The following PDE4D variants were observed in gnomAD, a reference collection of about 807,000 sequenced individuals.
PDE4D encodes phosphodiesterase 4D, also known as 3',5'-cyclic-AMP phosphodiesterase 4D.
In PDE4D, 24 loss-of-function variants were observed where a neutral mutation model predicts 87.4. The ratio of observed to expected loss-of-function variants is 0.27; its 90% CI spans 0.20 to 0.39. The LOEUF (loss-of-function observed/expected upper bound fraction) is 0.39. Among genes scored for constraint, PDE4D ranks in the 10% least tolerant of loss-of-function variants. The pLI, the probability that PDE4D is intolerant of heterozygous loss-of-function variation, is 1.00. For synonymous variants in PDE4D, 384 were observed against 383.2 expected, an observed-to-expected ratio of 1.00 and a Z score of -0.02; for missense variants, 714 against 1,041.0, an observed-to-expected ratio of 0.69 and a Z score of 4.32.
At position 58,990,910 on chromosome 5, in the gene PDE4D, G is replaced by T; in HGVS notation, c.1189-8C>A. 6 of 1,081,732 alleles carry T rather than the reference G, an allele frequency of 5.5e-6. No homozygotes were observed. The highest frequency in any genetic ancestry group is 6.5e-6 in the Non-Finnish European group (5 of 765,310). 67.0% of individuals were successfully genotyped at this position (1,081,732 alleles called of 1,614,324 possible). On this transcript the variant is annotated splice_polypyrimidine_tract_variant and splice_region_variant and intron_variant, in intron 8 of 14. Coordinates refer to ENST00000340635, the MANE Select transcript of PDE4D (RefSeq NM_001104631.2). ...GTTCACATCTTCTAGTTCCTGGAGTGAAAAAAAAAAAAAGATACTAAAATA... is the reference window on the plus strand; with the variant it reads ...GTTCACATCTTCTAGTTCCTGGAGTTAAAAAAAAAAAAAGATACTAAAATA...
chr5:59,906,681 T>G (rs1752858905), intron 3 of PDE4D, among the ~76,000 whole-genome samples: 2 of 152,076 alleles, frequency 1.3e-5, no homozygotes, highest in South Asian at 4.1e-4. Context: ...AAGCTCAATA[T>G]CACTGATCAT....
chr5:59,202,824 C>T (rs990364548), intron 2 of PDE4D, among the ~76,000 whole-genome samples: 1 of 152,208 alleles, frequency 6.6e-6, no homozygotes, highest in African/African-American at 2.4e-5. Flanking sequence ...ACGTGGAACT[C>T]TGAGTCCAGT....
intron 1 of PDE4D, among the ~76,000 whole-genome samples, chr5:59,303,978 G>A (rs1770773144): frequency 1.3e-5 from 2 of 152,048 alleles, no homozygotes; most frequent in African/African-American, 4.8e-5. Context: ...GGTTGCTTTT[G>A]GCAGTATGGG....
At chr5:59,377,269 C>A (rs917867449) in intron 1 of PDE4D, among the ~76,000 whole-genome samples, 9 of 151,710 alleles carry the variant, frequency 5.9e-5, no homozygotes, top group African/African-American at 2.2e-4. Flanking sequence ...TACAAAAAAT[C>A]AGCTGGGCGT....
intron 1 of PDE4D, among the ~76,000 whole-genome samples, chr5:59,576,306 G>A (rs1823142353): frequency 6.6e-6 from 1 of 152,060 alleles, no homozygotes; most frequent in African/African-American, 2.4e-5. Context: ...CCACAGACTT[G>A]GGGGATGATT....
intron 1 of PDE4D, among the ~76,000 whole-genome samples, chr5:60,320,883 A>G (rs534746847): frequency 6.6e-6 from 1 of 152,254 alleles, no homozygotes. Context: ...TTACAAAACA[A>G]TGCTCAAAGA....
chr5:60,001,143 G>A (rs1284857354), intron 2 of PDE4D, among the ~76,000 whole-genome samples: 1 of 152,112 alleles, frequency 6.6e-6, no homozygotes, highest in African/African-American at 2.4e-5. Flanking sequence ...CCTACCCATA[G>A]ACATACTCAG....
intron 1 of PDE4D, among the ~76,000 whole-genome samples, chr5:59,588,466 G>C (rs377109070): frequency 2.8e-4 from 43 of 152,162 alleles, no homozygotes; most frequent in Admixed American, 1.4e-3. Context: ...AGGCTTTTAC[G>C]CAATTGCTTG....
At chr5:59,131,597 A>AACACACACAC (rs34161581) in intron 5 of PDE4D, among the ~76,000 whole-genome samples, 2,679 of 117,952 alleles carry the variant, frequency 0.023, 59 homozygotes, top group East Asian at 0.039. Flanking sequence ...GCCAATTTAA[A>AACACACACAC]ACACACACAC....
At chr5:59,146,419 T>A (rs1317640898) in intron 5 of PDE4D, among the ~76,000 whole-genome samples, 3 of 152,194 alleles carry the variant, frequency 2.0e-5, no homozygotes, top group African/African-American at 7.2e-5. Context: ...GAATCAATTA[T>A]CTTTTAAAAT....
At chr5:59,534,303 T>C (rs1320444669) in intron 1 of PDE4D, among the ~76,000 whole-genome samples, 1 of 152,196 alleles carries the variant, frequency 6.6e-6, no homozygotes, top group Non-Finnish European at 1.5e-5. Context: ...GTCTTAAAAA[T>C]ATGGGTATTT....
At chr5:59,193,846 A>G in intron 2 of PDE4D, 1 of 940,972 alleles carries the variant, frequency 1.1e-6, no homozygotes, top group East Asian at 1.2e-4. Flanking sequence ...CCTGAGTTTT[A>G]CTTTTGGCCT....
intron 2 of PDE4D, among the ~76,000 whole-genome samples, chr5:60,118,709 C>T (rs1778394016): frequency 6.6e-6 from 1 of 151,924 alleles, no homozygotes; most frequent in Admixed American, 6.6e-5. Context: ...CCATTTTTGC[C>T]TGACACTTAC....
chr5:59,087,647 T>G (rs1561461509), intron 5 of PDE4D, among the ~76,000 whole-genome samples: 1 of 152,190 alleles, frequency 6.6e-6, no homozygotes, highest in Admixed American at 6.6e-5. Flanking sequence ...TTCCAAGCTT[T>G]TTAGCATAAT....
rs70975385 is a variant in PDE4D at position 60,407,444 on chromosome 5, CTTTTTTTTTTTTTTTTT to C, written c.-90+80481_-90+80497del. Among the ~76,000 whole-genome samples, 41 of 80,096 alleles carry C rather than the reference CTTTTTTTTTTTTTTTTT, an allele frequency of 5.1e-4. 2 individuals are homozygous for C. The highest frequency in any genetic ancestry group is 4.6e-4 in the South Asian group (1 of 2,162). The allele number at this position is 80,096 out of a possible 152,430, so 52.5% of individuals were successfully genotyped here. ...ATTTGTATTACATTTTTTCTTTTTC[CTTTTTTTTTTTTTTTTT>C]TTTTTTTTTTGAGACGGAGTCTCAC... On this transcript the variant is annotated intron_variant, in intron 1 of 16. Transcript: ENST00000502484.
intron 1 of PDE4D, among the ~76,000 whole-genome samples, chr5:59,631,709 C>T (rs902574383): frequency 6.6e-6 from 1 of 152,186 alleles, no homozygotes; most frequent in South Asian, 2.1e-4. Context: ...AACGAAGCTA[C>T]CCAGCCCAGA....
At chr5:60,293,120 C>A (rs1753050276) in intron 1 of PDE4D, among the ~76,000 whole-genome samples, 1 of 151,872 alleles carries the variant, frequency 6.6e-6, no homozygotes. Flanking sequence ...AATCCTCCTG[C>A]CTCAACCTCC....
rs1430613857 is a variant in PDE4D, at chr5:59,053,633, G to GTTTTGTT, written c.809-14669_809-14663dup. ...TGAATTAAGTTTTATGAATTAAGTT[G>GTTTTGTT]TTTTGTTTTTTGTTTTTTTTTGTTG... is the stretch of plus-strand genomic sequence containing the variant. On this transcript the variant is annotated intron_variant, in intron 5 of 14. Transcript: ENST00000340635. Among the ~76,000 whole-genome samples, 38 of 93,868 alleles carry GTTTTGTT rather than the reference G, an allele frequency of 4.0e-4. 2 individuals are homozygous for GTTTTGTT. The highest frequency in any genetic ancestry group is 6.3e-3 in the Middle Eastern group (1 of 160). 61.6% of individuals were successfully genotyped at this position (93,868 alleles called of 152,430 possible).
At chr5:59,715,506 T>G (rs963986047) in intron 1 of PDE4D, among the ~76,000 whole-genome samples, 1 of 152,216 alleles carries the variant, frequency 6.6e-6, no homozygotes, top group Non-Finnish European at 1.5e-5. Flanking sequence ...ATACCGGGTA[T>G]GGACAAAGTA....
Sources: gnomAD v4.1 joint callset for allele counts (sites outside exome capture counted in the v4.1 genomes callset) on GRCh38, gnomAD v4.1.1 for gene constraint, MANE v1.5 for transcripts, NCBI Gene and HGNC (gene_info 2026-07-23, HGNC 2026-07-21) for gene names.